Variants in ANXA6 observed in about 807,000 individuals in gnomAD.
ANXA6 encodes the protein annexin A6.
A neutral mutation model predicts 95.4 loss-of-function variants in ANXA6; 71 were observed. The ratio of observed to expected loss-of-function variants is 0.74; its 90% CI spans 0.61 to 0.91. The LOEUF is 0.91. Among genes scored for constraint, ANXA6 ranks in the 40% least tolerant of loss-of-function variants. The pLI, the probability that ANXA6 is intolerant of heterozygous loss-of-function variation, is 0.00. For synonymous variants in ANXA6, 289 were observed against 315.9 expected, an observed-to-expected ratio of 0.91 and a Z score of 0.90; for missense variants, 830 against 876.4, an observed-to-expected ratio of 0.95 and a Z score of 0.67.
chr5:151,125,273 G>A (rs1480564948), intron 14 of ANXA6, among the ~76,000 whole-genome samples: 1 of 151,148 alleles, frequency 6.6e-6, no homozygotes, highest in Non-Finnish European at 1.5e-5. Flanking sequence ...CCTGAGCCTG[G>A]GGAGGTGGCA....
chr5:151,101,977 G>A (rs1046032945), intron 25 of ANXA6, among the ~76,000 whole-genome samples: 13 of 152,184 alleles, frequency 8.5e-5, no homozygotes, highest in Non-Finnish European at 1.9e-4. Context: ...CTCCCCCATG[G>A]CCCTTGGCAT....
intron 25 of ANXA6, among the ~76,000 whole-genome samples, chr5:151,102,068 C>T (rs920271460): frequency 5.3e-5 from 8 of 152,176 alleles, no homozygotes; most frequent in Admixed American, 5.2e-4. Flanking sequence ...GGTACAAACA[C>T]CATCACGCTC....
In ANXA6 at chr5:151,132,537, C is replaced by A; in HGVS notation, c.675G>T (p.Pro225=). ...FDEYLKTTGK[P]IEASIRGELS... ...GCTCCCCTCGGATGCTGGCTTCAATCGGCTTCCCTGTGGTCTTCAGATACT... is the reference window on the plus strand; with the variant it reads ...GCTCCCCTCGGATGCTGGCTTCAATAGGCTTCCCTGTGGTCTTCAGATACT... Residue 225 remains proline (P), a synonymous_variant, in exon 10 of 26, where the codon CCG becomes CCT. Transcript: ENST00000354546. 6.2e-7 allele frequency: 1 copy of A among 1,613,448 alleles called. No individual in the cohort carries two copies. Among genetic ancestry groups the A allele is most frequent in the Non-Finnish European group, 8.5e-7 (1 of 1,179,720 alleles).
chr5:151,105,410 T>C, intron 23 of ANXA6, 107 bp from the exon 24 acceptor site: 1 of 930,556 alleles, frequency 1.1e-6, no homozygotes, highest in South Asian at 1.4e-5. Context: ...TGCATGGGTC[T>C]GCAGATCATT....
Position 151,136,309 on chromosome 5 carries a change from T to A in ANXA6, c.436A>T (p.Ile146Phe). ...AAGTGGCCAGAGGTGTCGCCGATGA[T>A]GTCAGCCTCCAGGTCCCGCTCGTAG... The part of the protein sequence containing the change: ...DAYERDLEAD[I>F]IGDTSGHFQK... Residue 146 changes from isoleucine (I) to phenylalanine (F), a missense_variant, in exon 7 of 26, where the codon ATC becomes TTC. Physicochemically the swap from Ile to Phe is conservative, Grantham distance 21 (BLOSUM62 0). Transcript: ENST00000354546. The A allele has an allele frequency of 6.2e-7, 1 of 1,613,952 alleles. No individual in the cohort carries two copies. The highest frequency in any genetic ancestry group is 8.5e-7 in the Non-Finnish European group (1 of 1,179,864).
chr5:151,127,945 G>A (rs900443792), intron 13 of ANXA6, among the ~76,000 whole-genome samples: 10 of 152,112 alleles, frequency 6.6e-5, no homozygotes, highest in African/African-American at 2.2e-4. Context: ...AAGTTCACAA[G>A]AGCAGACATC....
chr5:151,149,986 G>A (rs1766069845), intron 1 of ANXA6, among the ~76,000 whole-genome samples: 1 of 152,056 alleles, frequency 6.6e-6, no homozygotes. Context: ...AGGTGTGATG[G>A]TGTGTGCCTG....
intron 3 of ANXA6, 43 bp from the exon 4 acceptor site, chr5:151,139,490 C>A (rs1279586407): frequency 6.8e-7 from 1 of 1,475,368 alleles, no homozygotes; most frequent in South Asian, 1.2e-5. Flanking sequence ...CACCCTGCCT[C>A]CAGGAAGCCC....
chr5:151,137,294 T>C lies in ANXA6; in HGVS notation c.346A>G (p.Ile116Val), dbSNP rs746959987. The change falls in exon 6 of 26, where the codon ATT becomes GTT. Residue 116 changes from isoleucine to valine, a missense_variant. Coordinates refer to ENST00000354546, the MANE Select transcript of ANXA6 (RefSeq NM_001155.5). ...TTGGTCCGGGAAGCCAAGATCTCAA[T>C]GAGGCACTTCTCATCAGTGCCAATG... ...SGIGTDEKCL[I>V]EILASRTNEQ... The C allele has an allele frequency of 6.2e-7, 1 of 1,613,500 alleles. No individual in the cohort carries two copies. The highest frequency in any genetic ancestry group is 2.2e-5 in the East Asian group (1 of 44,866).
intron 20 of ANXA6, among the ~76,000 whole-genome samples, chr5:151,112,283 T>C (rs1038150499): frequency 1.3e-5 from 2 of 152,130 alleles, no homozygotes; most frequent in African/African-American, 4.8e-5. Flanking sequence ...TGTAATATAG[T>C]GTTTCTTTTA....
At chr5:151,112,943 T>C (rs74294189) in intron 20 of ANXA6, among the ~76,000 whole-genome samples, 2 of 151,976 alleles carry the variant, frequency 1.3e-5, no homozygotes, top group Non-Finnish European at 2.9e-5. Context: ...TTCACAGACA[T>C]AGAAAGAATG....
intron 22 of ANXA6, 145 bp from the exon 23 acceptor site, chr5:151,108,695 T>A (rs1764766855): frequency 1.4e-6 from 1 of 709,466 alleles, no homozygotes. Context: ...CAGGCCTAAA[T>A]GCATTGGGCA....
intron 2 of ANXA6, chr5:151,140,455 G>A (rs1364117388): frequency 3.6e-6 from 2 of 559,878 alleles, no homozygotes; most frequent in Non-Finnish European, 6.5e-6. Context: ...ATTTCCCCAA[G>A]GGAGGGGGGC....
intron 1 of ANXA6, among the ~76,000 whole-genome samples, chr5:151,152,874 G>T (rs553406304): frequency 6.6e-6 from 1 of 152,312 alleles, no homozygotes; most frequent in Admixed American, 6.5e-5. Flanking sequence ...GGTAGCTTGG[G>T]CTGTGGAGGA....
chr5:151,105,446 G>A (rs911334458), intron 23 of ANXA6, 143 bp from the exon 24 acceptor site: 10 of 721,940 alleles, frequency 1.4e-5, no homozygotes, highest in African/African-American at 1.2e-4. Flanking sequence ...ATGCTCAGAC[G>A]ACACCTTTGC....
In ANXA6 at chr5:151,140,916, A is replaced by T. The variant is rs1339057147; in HGVS notation, c.19-673T>A. ...GCTCTCCAGCCCCGCTCTGCTCTCC[A>T]GCTCCAGGAACCTTGCAGGTGCCAG... is the stretch of plus-strand genomic sequence containing the variant. On this transcript the variant is annotated intron_variant, in intron 2 of 25. Transcript: ENST00000354546. Among the ~76,000 whole-genome samples the T allele has an allele frequency of 2.6e-5, 4 of 152,186 alleles. No individual in the cohort carries two copies. In the East Asian group the frequency reaches 7.7e-4, roughly 29 times the overall value.
At chr5:151,134,286 G>A (rs28705982) in intron 8 of ANXA6, 141 bp downstream of exon 8, 109,267 of 759,490 alleles carry the variant, frequency 0.14, 8,613 homozygotes, top group South Asian at 0.21. Flanking sequence ...ACAAAGCACC[G>A]GTATACATGA....
chr5:151,114,339 T>C (rs34381982), intron 20 of ANXA6, among the ~76,000 whole-genome samples: 5,336 of 152,202 alleles, frequency 0.035, 137 homozygotes, highest in Non-Finnish European at 0.058. Context: ...GGGCCAGGCA[T>C]GGTGGCTCAC....
At chr5:151,104,181 C>T (rs1293989407) in intron 24 of ANXA6, among the ~76,000 whole-genome samples, 2 of 152,124 alleles carry the variant, frequency 1.3e-5, no homozygotes, top group Non-Finnish European at 2.9e-5. Context: ...AGTGCTTCTC[C>T]CCCAGAGCCT....
Sources: allele counts gnomAD v4.1 joint callset (sites outside exome capture counted in the v4.1 genomes callset), GRCh38; gene constraint gnomAD v4.1.1; transcripts MANE v1.5; gene names NCBI Gene and HGNC (gene_info 2026-07-23, HGNC 2026-07-21).